CNIH3: variants seen among roughly 807,000 people sequenced by gnomAD.
The protein encoded by CNIH3 is protein cornichon homolog 3.
In CNIH3, 14 loss-of-function variants were observed where a neutral mutation model predicts 24.1. That is an observed-to-expected ratio of 0.58 (90% CI 0.38 to 0.91). The LOEUF is 0.91. Ranked by LOEUF, CNIH3 falls within the 40% of genes least tolerant of loss-of-function variation. The probability of loss-of-function intolerance (pLI) is 0.00; values close to 1 mark genes in which losing one functional copy is unlikely to be tolerated. For missense variants in CNIH3, 178 were observed against 196.8 expected, an observed-to-expected ratio of 0.90 and a Z score of 0.57; for synonymous variants, 68 against 73.8, an observed-to-expected ratio of 0.92 and a Z score of 0.40.
intron 3 of CNIH3, among the ~76,000 whole-genome samples, chr1:224,691,596 C>A (rs767641892): frequency 5.9e-5 from 9 of 152,232 alleles, no homozygotes; most frequent in Non-Finnish European, 8.8e-5. Context: ...TGACTGCCAA[C>A]CATCCTTTAG....
intron 1 of CNIH3, among the ~76,000 whole-genome samples, chr1:224,443,682 GATATCT>G (rs201341663): frequency 0.13 from 17,539 of 137,084 alleles, 1,474 homozygotes; most frequent in Non-Finnish European, 0.19. Flanking sequence ...TAGATAGATA[GATATCT>G]ATAGATATAG....
chr1:224,729,177 G>A (rs1329231134), intron 3 of CNIH3, among the ~76,000 whole-genome samples: 3 of 152,038 alleles, frequency 2.0e-5, no homozygotes, highest in African/African-American at 7.2e-5. Context: ...TTGGGAGGCC[G>A]AGGTGGGCAG....
intron 1 of CNIH3, among the ~76,000 whole-genome samples, chr1:224,658,873 A>T (rs924862222): frequency 9.2e-5 from 14 of 152,190 alleles, no homozygotes; most frequent in Admixed American, 6.5e-4. Flanking sequence ...AAACCTTATA[A>T]ACAATTTTAT....
chr1:224,568,172 C>G (rs1680664611), intron 4 of CNIH3, among the ~76,000 whole-genome samples: 1 of 152,058 alleles, frequency 6.6e-6, no homozygotes, highest in Non-Finnish European at 1.5e-5. Flanking sequence ...TGCCTGTTAT[C>G]CCAGCTACTC....
At chr1:224,701,184 G>C (rs986469350) in intron 3 of CNIH3, among the ~76,000 whole-genome samples, 6 of 151,932 alleles carry the variant, frequency 3.9e-5, no homozygotes, top group Admixed American at 6.6e-5. Context: ...AGAGTGGAAG[G>C]GGGGCTCGGG....
chr1:224,493,597 A>G (rs537414018), intron 1 of CNIH3, among the ~76,000 whole-genome samples: 3 of 152,352 alleles, frequency 2.0e-5, no homozygotes, highest in East Asian at 1.9e-4. Context: ...GAGACGTCCC[A>G]ATGAGTTGCA....
At chr1:224,562,648 G>T (rs950713677) in intron 3 of CNIH3, among the ~76,000 whole-genome samples, 8 of 152,178 alleles carry the variant, frequency 5.3e-5, no homozygotes, top group African/African-American at 1.9e-4. Context: ...TGAATGGCTT[G>T]GTGCCCTTCC....
downstream of CNIH3, among the ~76,000 whole-genome samples, chr1:224,539,983 A>T (rs1558143138): frequency 6.6e-6 from 1 of 152,230 alleles, no homozygotes; most frequent in East Asian, 1.9e-4. Flanking sequence ...GATCACACAG[A>T]GCTTTACTCA....
intron 2 of CNIH3, among the ~76,000 whole-genome samples, chr1:224,530,477 C>A (rs1392258851): frequency 6.6e-6 from 1 of 152,110 alleles, no homozygotes; most frequent in Non-Finnish European, 1.5e-5. Context: ...ATACAGCAAG[C>A]CTGTGAAGTG....
chr1:224,691,034 G>T (rs141823662), intron 3 of CNIH3, among the ~76,000 whole-genome samples: 1 of 152,210 alleles, frequency 6.6e-6, no homozygotes, highest in Non-Finnish European at 1.5e-5. Context: ...TGAAAGCAGG[G>T]GTTGGAAGAG....
chr1:224,498,631 G>C (rs1304308560), intron 1 of CNIH3, among the ~76,000 whole-genome samples: 1 of 152,228 alleles, frequency 6.6e-6, no homozygotes, highest in Non-Finnish European at 1.5e-5. Flanking sequence ...AGCTGGCAGT[G>C]AAAGCTATTG....
chr1:224,643,351 G>A (rs770358704), intron 1 of CNIH3, among the ~76,000 whole-genome samples: 3 of 152,312 alleles, frequency 2.0e-5, no homozygotes, highest in Admixed American at 6.5e-5. Context: ...TTTGGACATC[G>A]GTTCCAGTCA....
intron 4 of CNIH3, chr1:224,583,070 A>T (rs1313715062): frequency 6.6e-6 from 1 of 152,166 alleles, no homozygotes; most frequent in Non-Finnish European, 1.5e-5. Flanking sequence ...CATTTGTAAA[A>T]ACATTACATT....
At chr1:224,667,320 G>A (rs995394054) in intron 1 of CNIH3, among the ~76,000 whole-genome samples, 4 of 152,172 alleles carry the variant, frequency 2.6e-5, no homozygotes, top group Non-Finnish European at 2.9e-5. Flanking sequence ...GCAAAAATGA[G>A]TGCAATTGAT....
At chr1:224,675,969 C>G (rs1686118909) in intron 1 of CNIH3, among the ~76,000 whole-genome samples, 1 of 152,222 alleles carries the variant, frequency 6.6e-6, no homozygotes, top group Non-Finnish European at 1.5e-5. Flanking sequence ...ACACTTACCA[C>G]ATGGACCAGC....
chr1:224,738,360 C>T (rs1323574826), intron 5 of CNIH3, among the ~76,000 whole-genome samples: 2 of 152,230 alleles, frequency 1.3e-5, no homozygotes, highest in African/African-American at 4.8e-5. Context: ...TGTCACTCCT[C>T]ATCTGGCCCT....
At chr1:224,625,726 G>T (rs940801903) in intron 1 of CNIH3, among the ~76,000 whole-genome samples, 2 of 152,170 alleles carry the variant, frequency 1.3e-5, no homozygotes, top group Non-Finnish European at 2.9e-5. Flanking sequence ...GGGCACTGCT[G>T]GGGAGAGGTT....
At chr1:224,609,437 T>C (rs984628682) in intron 3 of CNIH3, among the ~76,000 whole-genome samples, 4 of 151,644 alleles carry the variant, frequency 2.6e-5, no homozygotes, top group African/African-American at 7.3e-5. Context: ...AGTATCTTTG[T>C]GGTGGGGACT....
At chr1:224,506,294 C>CAT (rs386369790) in intron 1 of CNIH3, among the ~76,000 whole-genome samples, 2 of 150,766 alleles carry the variant, frequency 1.3e-5, no homozygotes, top group African/African-American at 4.9e-5. Context: ...CGCGCACACA[C>CAT]ACACACACAC....
Sources: allele counts gnomAD v4.1 joint callset (sites outside exome capture counted in the v4.1 genomes callset), GRCh38; gene constraint gnomAD v4.1.1; transcripts MANE v1.5; gene names NCBI Gene and HGNC (gene_info 2026-07-23, HGNC 2026-07-21).